The following DSCAM variants were observed in gnomAD, a reference collection of about 807,000 sequenced individuals.
DSCAM encodes the protein DS cell adhesion molecule, also known as cell adhesion molecule DSCAM.
DSCAM carries 47 observed loss-of-function variants against 217.7 expected under a neutral mutation model. The ratio of observed to expected loss-of-function variants is 0.22; its 90% CI spans 0.17 to 0.28. The LOEUF (loss-of-function observed/expected upper bound fraction) is 0.28. DSCAM is among the 10% of genes least tolerant of loss of function. The probability of loss-of-function intolerance (pLI) is 1.00; values close to 1 mark genes in which losing one functional copy is unlikely to be tolerated. For synonymous variants in DSCAM, 1,056 were observed against 1,015.3 expected (o/e 1.04, Z -0.76); for missense variants, 2,080 against 2,618.3 (o/e 0.79, Z 4.49).
chr21:40,466,276 C>T (rs1479209108), intron 3 of DSCAM, among the ~76,000 whole-genome samples: 1 of 152,220 alleles, frequency 6.6e-6, no homozygotes, highest in Non-Finnish European at 1.5e-5. Flanking sequence ...GACCCAAGAC[C>T]TCTCATGCCA....
chr21:40,806,039 A>G (rs893468909), intron 1 of DSCAM, among the ~76,000 whole-genome samples: 2 of 152,116 alleles, frequency 1.3e-5, no homozygotes, highest in African/African-American at 4.8e-5. Context: ...TGAGCCTGCC[A>G]TCTGTTTCCT....
intron 3 of DSCAM, among the ~76,000 whole-genome samples, chr21:40,379,127 T>A (rs1363265313): frequency 6.6e-6 from 1 of 152,220 alleles, no homozygotes; most frequent in Non-Finnish European, 1.5e-5. Flanking sequence ...CAGAGAGGCC[T>A]GGATCAGCAG....
intron 3 of DSCAM, among the ~76,000 whole-genome samples, chr21:40,602,308 G>A (rs1042338979): frequency 3.3e-5 from 5 of 152,094 alleles, no homozygotes; most frequent in Non-Finnish European, 7.4e-5. Flanking sequence ...CAATCCGCCC[G>A]CTGCGGCTTC....
intron 3 of DSCAM, among the ~76,000 whole-genome samples, chr21:40,397,243 G>A (rs181382378): frequency 3.0e-4 from 46 of 152,198 alleles, no homozygotes; most frequent in African/African-American, 9.4e-4. Flanking sequence ...ATGTGATCCC[G>A]TGTTGGAGGT....
At chr21:40,703,065 A>G (rs2090674995) in intron 2 of DSCAM, among the ~76,000 whole-genome samples, 1 of 152,216 alleles carries the variant, frequency 6.6e-6, no homozygotes, top group South Asian at 2.1e-4. Context: ...TCATGTAGTT[A>G]CCATTTTCAT....
intron 3 of DSCAM, among the ~76,000 whole-genome samples, chr21:40,452,112 A>G (rs1569129382): frequency 6.6e-6 from 1 of 152,132 alleles, no homozygotes; most frequent in Non-Finnish European, 1.5e-5. Context: ...TTAAATGTGG[A>G]GAAAAATACA....
intron 3 of DSCAM, among the ~76,000 whole-genome samples, chr21:40,550,182 T>C (rs181701006): frequency 1.3e-5 from 2 of 152,260 alleles, no homozygotes; most frequent in African/African-American, 4.8e-5. Context: ...ATCCTTTCTC[T>C]GGGCCGTCCT....
At chr21:40,621,382 CAT>C (rs1454594917) in intron 3 of DSCAM, 1 of 152,156 alleles carries the variant, frequency 6.6e-6, no homozygotes, top group Non-Finnish European at 1.5e-5. Context: ...ACTACTATCA[CAT>C]GAGGTGAGAT....
At chr21:40,146,342 T>C (rs1011541586) in intron 16 of DSCAM, among the ~76,000 whole-genome samples, 3 of 152,076 alleles carry the variant, frequency 2.0e-5, no homozygotes, top group Non-Finnish European at 4.4e-5. Flanking sequence ...GGTGCACACC[T>C]GCCCAGCGGT....
intron 1 of DSCAM, among the ~76,000 whole-genome samples, chr21:40,814,211 C>T (rs970625695): frequency 2.6e-5 from 4 of 152,238 alleles, no homozygotes; most frequent in Non-Finnish European, 4.4e-5. Flanking sequence ...GATGTGCCAA[C>T]TGTGTAATTC....
At chr21:40,370,667 C>T (rs2074887386) in intron 3 of DSCAM, among the ~76,000 whole-genome samples, 1 of 151,884 alleles carries the variant, frequency 6.6e-6, no homozygotes, top group Non-Finnish European at 1.5e-5. Context: ...ATTATCCAGG[C>T]TGTGGTGCAG....
chr21:40,614,203 T>C (rs950702889), intron 3 of DSCAM, among the ~76,000 whole-genome samples: 9 of 152,170 alleles, frequency 5.9e-5, no homozygotes, highest in African/African-American at 1.9e-4. Flanking sequence ...ATGGAAGTCA[T>C]GGAAGAGAGA....
At chr21:40,810,273 G>C (rs1159420837) in intron 1 of DSCAM, among the ~76,000 whole-genome samples, 1 of 152,236 alleles carries the variant, frequency 6.6e-6, no homozygotes, top group African/African-American at 2.4e-5. Flanking sequence ...CCTCAGGTCT[G>C]TGCACAGGAA....
chr21:40,523,887 G>A lies in DSCAM; in HGVS notation c.509-154642C>T, dbSNP rs552569197. ...CATGGGGTCGGAGTCACCACAGCCT[G>A]CCTGTCTGTATGCCCTCTCCTGAAA... On this transcript the variant is annotated intron_variant, in intron 3 of 32. Coordinates refer to ENST00000400454, the MANE Select transcript of DSCAM (RefSeq NM_001389.5). Among the ~76,000 whole-genome samples the A allele has an allele frequency of 4.1e-4, 63 of 152,228 alleles. 2 individuals carry two copies. The highest frequency in any genetic ancestry group is 6.9e-4 in the Non-Finnish European group (47 of 68,008).
chr21:40,747,289 T>TAAA (rs72559370), intron 1 of DSCAM, among the ~76,000 whole-genome samples: 23 of 147,118 alleles, frequency 1.6e-4, no homozygotes, highest in Non-Finnish European at 1.7e-4. Context: ...TTTGTTTAAA[T>TAAA]AAAAAAAAAA....
At chr21:40,075,715 G>A (rs148177990) in intron 26 of DSCAM, among the ~76,000 whole-genome samples, 462 of 152,292 alleles carry the variant, frequency 3.0e-3, no homozygotes, top group Middle Eastern at 0.014. Flanking sequence ...GGCTTTTATC[G>A]CAGGTGTAAG....
chr21:40,102,723 C>T (rs1048648603), intron 20 of DSCAM, among the ~76,000 whole-genome samples: 16 of 152,192 alleles, frequency 1.1e-4, no homozygotes, highest in African/African-American at 3.4e-4. Context: ...TAGACGTTTA[C>T]CCAATAATTG....
chr21:40,354,279 GATTTT>G (rs1320115509), intron 4 of DSCAM, among the ~76,000 whole-genome samples: 1 of 152,108 alleles, frequency 6.6e-6, no homozygotes, highest in African/African-American at 2.4e-5. Context: ...ACACTGATTT[GATTTT>G]AACAAATTAT....
At chr21:40,610,489 C>G (rs1236133652) in intron 3 of DSCAM, among the ~76,000 whole-genome samples, 2 of 152,232 alleles carry the variant, frequency 1.3e-5, no homozygotes, top group Non-Finnish European at 2.9e-5. Flanking sequence ...CGGCTTCCAG[C>G]TTCCGGTGGG....
Sources: allele counts gnomAD v4.1 joint callset (sites outside exome capture counted in the v4.1 genomes callset), GRCh38; gene constraint gnomAD v4.1.1; transcripts MANE v1.5; gene names NCBI Gene and HGNC (gene_info 2026-07-23, HGNC 2026-07-21).